Variants in RBM20 observed in about 807,000 individuals in gnomAD.
RBM20 encodes RNA-binding protein 20.
RBM20 carries 51 observed loss-of-function variants against 110.1 expected under a neutral mutation model. The ratio of observed to expected loss-of-function variants is 0.46; its 90% CI spans 0.37 to 0.59. The LOEUF (loss-of-function observed/expected upper bound fraction) is 0.59, where lower values mean the gene tolerates loss of function less well. RBM20 is among the 20% of genes least tolerant of loss of function. RBM20 has a pLI of 0.00. For synonymous variants in RBM20, 589 were observed against 618.2 expected (o/e 0.95, Z 0.70); for missense variants, 1,512 against 1,574.9 (o/e 0.96, Z 0.68).
intron 6 of RBM20, among the ~76,000 whole-genome samples, chr10:110,798,649 G>A (rs750938623): frequency 7.2e-5 from 11 of 152,158 alleles, no homozygotes; most frequent in Non-Finnish European, 1.6e-4. Context: ...AGTCGCCCAC[G>A]CTAATGCCAT....
chr10:110,744,884 G>T (rs1843760408), intron 1 of RBM20, among the ~76,000 whole-genome samples: 1 of 152,200 alleles, frequency 6.6e-6, no homozygotes, highest in Admixed American at 6.5e-5. Context: ...CACCATGTGG[G>T]TCAAGAGGCT....
rs556022683 is a variant in RBM20, at chr10:110,771,038, G to A, written c.192-9763G>A. On this transcript the variant is annotated intron_variant, in intron 1 of 13. Transcript: ENST00000369519. ...TCTCTGTAGAGCTTCATCTTTCAAA[G>A]CATTGTAGCAATACACAGGGAACAT... Among the ~76,000 whole-genome samples, 18 of 152,344 alleles carry A rather than the reference G, an allele frequency of 1.2e-4. No homozygotes were observed. The South Asian group carries it at 2.9e-3, about 25-fold the overall frequency.
At chr10:110,770,213 T>G (rs1324248534) in intron 1 of RBM20, among the ~76,000 whole-genome samples, 1 of 152,162 alleles carries the variant, frequency 6.6e-6, no homozygotes, top group Non-Finnish European at 1.5e-5. Context: ...ATCTGTGTTT[T>G]AGGAAGTTCT....
In RBM20 at chr10:110,665,995, A is replaced by AAGAG. The variant is rs56329688; in HGVS notation, c.191+21369_191+21372dup. Among the ~76,000 whole-genome samples the AAGAG allele has an allele frequency of 7.2e-3, 1,050 of 145,452 alleles. 4 individuals are homozygous for AAGAG. Among genetic ancestry groups the AAGAG allele is most frequent in the East Asian group, 0.019 (90 of 4,828 alleles). On this transcript the variant is annotated intron_variant, in intron 1 of 13. Transcript: ENST00000369519. ...CCCAGTGTGATGGCACAAAGAAAGA[A>AAGAG]AGAGAGAGAGAGAGAGAGAGAGGGG...
At chr10:110,826,101 A>G (rs1447672777) in intron 12 of RBM20, among the ~76,000 whole-genome samples, 1 of 152,148 alleles carries the variant, frequency 6.6e-6, no homozygotes, top group African/African-American at 2.4e-5. Context: ...ATTGCTACTA[A>G]ATTGCACTCC....
At chr10:110,662,392 TC>T (rs899445405) in intron 1 of RBM20, among the ~76,000 whole-genome samples, 1 of 152,208 alleles carries the variant, frequency 6.6e-6, no homozygotes, top group Non-Finnish European at 1.5e-5. Flanking sequence ...GTCAGGCAGT[TC>T]CTTGAGAACA....
At chr10:110,822,607 G>A (rs1844929344) in intron 11 of RBM20, 1 of 392,140 alleles carries the variant, frequency 2.6e-6, no homozygotes, top group Admixed American at 3.2e-5. Context: ...GAGGGAGAGA[G>A]AGTAGCCTTT....
chr10:110,737,874 G>A (rs10787273), intron 1 of RBM20, among the ~76,000 whole-genome samples: 107,513 of 152,010 alleles, frequency 0.71, 38,762 homozygotes, highest in African/African-American at 0.86. Flanking sequence ...CATTTTTTAC[G>A]TGTCTTTTGG....
At chr10:110,748,030 A>G (rs190569468) in intron 1 of RBM20, among the ~76,000 whole-genome samples, 18 of 152,250 alleles carry the variant, frequency 1.2e-4, no homozygotes, top group African/African-American at 3.9e-4. Flanking sequence ...TTAAAATGCA[A>G]CCTATAGCAC....
rs1385453354 is a variant in RBM20, at chr10:110,812,527, T to C, written c.2130T>C (p.Asp710=). Residue 710 remains aspartate (D), a synonymous_variant, in exon 9 of 14, where the codon GAT becomes GAC. Transcript: ENST00000369519. The part of the protein sequence containing the change: ...KRDRMDPWAH[D]RKHHPRQLDK... Reference sequence around the variant, plus strand: ...ACAGGATGGACCCCTGGGCACATGATCGCAAACACCACCCCCGGCAACTGG... The same window carrying C: ...ACAGGATGGACCCCTGGGCACATGACCGCAAACACCACCCCCGGCAACTGG... 6.4e-7 allele frequency: 1 copy of C among 1,551,514 alleles called. No homozygotes were observed. Among genetic ancestry groups the C allele is most frequent in the Non-Finnish European group, 8.7e-7 (1 of 1,146,946 alleles).
At chr10:110,667,065 G>C (rs1476637667) in intron 1 of RBM20, among the ~76,000 whole-genome samples, 1 of 152,206 alleles carries the variant, frequency 6.6e-6, no homozygotes, top group Admixed American at 6.5e-5. Flanking sequence ...CTTAGGATGT[G>C]TGTGGTCTTA....
chr10:110,730,008 G>T (rs1590641080), intron 1 of RBM20, among the ~76,000 whole-genome samples: 1 of 152,030 alleles, frequency 6.6e-6, no homozygotes, highest in East Asian at 1.9e-4. Context: ...AATAGAGATG[G>T]GGTTTCTCCA....
chr10:110,651,908 A>G (rs1405451169), intron 1 of RBM20, among the ~76,000 whole-genome samples: 1 of 152,212 alleles, frequency 6.6e-6, no homozygotes, highest in African/African-American at 2.4e-5. Context: ...GTTGTGGAGA[A>G]ACTTTATTTG....
chr10:110,717,165 ACT>A (rs1206203929), intron 1 of RBM20, among the ~76,000 whole-genome samples: 3 of 151,778 alleles, frequency 2.0e-5, no homozygotes, highest in Non-Finnish European at 4.4e-5. Flanking sequence ...TGCCTGCTTC[ACT>A]CTCTCTCCAA....
intron 1 of RBM20, among the ~76,000 whole-genome samples, chr10:110,715,288 C>A (rs981860407): frequency 9.2e-5 from 14 of 152,036 alleles, no homozygotes; most frequent in Admixed American, 2.6e-4. Context: ...AGAAAAAACC[C>A]ATAATTTGTG....
rs1861835053 is a variant in RBM20, at chr10:110,644,416, G to A, written c.-39G>A. The A allele has an allele frequency of 7.0e-7, 1 of 1,426,078 alleles. No individual in the cohort carries two copies. Among genetic ancestry groups the A allele is most frequent in the African/African-American group, 1.5e-5 (1 of 67,222 alleles). 88.3% of individuals were successfully genotyped at this position (1,426,078 alleles called of 1,614,324 possible). A position where few individuals can be genotyped will look rare whatever the true frequency, so the allele number is the denominator to read the frequency against. Reference sequence around the variant, plus strand: ...CGTGGCCCGGGACCGCCCCTCCCTTGAGCTCTCTCGCCGCGATCCCGGGCG... The same window carrying A: ...CGTGGCCCGGGACCGCCCCTCCCTTAAGCTCTCTCGCCGCGATCCCGGGCG... On this transcript the variant is annotated 5_prime_UTR_variant, in exon 1 of 14. Coordinates refer to ENST00000369519, the MANE Select transcript of RBM20 (RefSeq NM_001134363.3). The surrounding 1 kb of genome is among the most constrained non-coding windows in gnomAD (Gnocchi z 4.3).
Position 110,838,423 on chromosome 10 carries a change from A to G in RBM20, c.*2445A>G, listed in dbSNP as rs1845160952. 6.6e-6 allele frequency: 1 copy of G among 152,184 alleles called. No individual in the cohort carries two copies. Among genetic ancestry groups the G allele is most frequent in the Non-Finnish European group, 1.5e-5 (1 of 68,018 alleles). 9.4% of individuals were successfully genotyped at this position (152,184 alleles called of 1,614,324 possible). A position where few individuals can be genotyped will look rare whatever the true frequency, so the allele number is the denominator to read the frequency against. ...GAACCTGGCATTCTGGACACCAGCT[A>G]TGCCTCCTCCATTTCTCAGAAAACC... On this transcript the variant is annotated 3_prime_UTR_variant, in exon 14 of 14. Transcript: ENST00000369519.
At chr10:110,828,505 C>T (rs1590705673) in intron 12 of RBM20, among the ~76,000 whole-genome samples, 1 of 152,186 alleles carries the variant, frequency 6.6e-6, no homozygotes, top group African/African-American at 2.4e-5. Context: ...GAGCCGGGTT[C>T]CCCAGGTGGC....
chr10:110,677,534 G>A (rs1430898093), intron 1 of RBM20, among the ~76,000 whole-genome samples: 1 of 152,108 alleles, frequency 6.6e-6, no homozygotes, highest in African/African-American at 2.4e-5. Context: ...TAGCCAGGAT[G>A]GTCCCTATCT....
Sources: gnomAD v4.1 joint callset for allele counts (sites outside exome capture counted in the v4.1 genomes callset) on GRCh38, gnomAD v4.1.1 for gene constraint, Gnocchi (gnomAD v3.1) non-coding constraint, MANE v1.5 for transcripts, NCBI Gene and HGNC (gene_info 2026-07-23, HGNC 2026-07-21) for gene names.